Variants in OTOGL observed in about 807,000 individuals in gnomAD.
The protein encoded by OTOGL is otogelin like, also known as otogelin-like protein.
In OTOGL, 285 loss-of-function variants were observed where a neutral mutation model predicts 318.5. That is an observed-to-expected ratio of 0.89 (90% CI 0.81 to 0.99). The LOEUF (loss-of-function observed/expected upper bound fraction) is 0.99, where lower values mean the gene tolerates loss of function less well. OTOGL is among the 50% of genes least tolerant of loss of function. The pLI, the probability that OTOGL is intolerant of heterozygous loss-of-function variation, is 0.00. For missense variants in OTOGL, 2,899 were observed against 2,845.6 expected (o/e 1.02, Z -0.43); for synonymous variants, 987 against 936.5 (o/e 1.05, Z -0.99).
At chr12:80,103,652 C>T (rs989677102) in intron 1 of OTOGL, among the ~76,000 whole-genome samples, 14 of 152,198 alleles carry the variant, frequency 9.2e-5, no homozygotes, top group Admixed American at 3.9e-4. Context: ...CTGCTGTATA[C>T]GTACCACCTA....
At chr12:80,325,168 GGTAAGATCCAGCCCCTCT>G (rs1236575892) in intron 35 of OTOGL, among the ~76,000 whole-genome samples, 25 of 152,140 alleles carry the variant, frequency 1.6e-4, no homozygotes, top group Middle Eastern at 3.4e-3. Context: ...GTTGCCAATA[GGTAAGATCCAGCCCCTCT>G]GTAAGATCCA....
intron 35 of OTOGL, among the ~76,000 whole-genome samples, chr12:80,326,381 CTT>C (rs1160524835): frequency 1.3e-5 from 2 of 151,974 alleles, no homozygotes; most frequent in Non-Finnish European, 2.9e-5. Flanking sequence ...AGGCATTAAA[CTT>C]ATCAGTTAGA....
intron 54 of OTOGL, among the ~76,000 whole-genome samples, 185 bp from the exon 55 acceptor site, chr12:80,368,020 T>C (rs1476548086): frequency 6.6e-6 from 1 of 152,122 alleles, no homozygotes; most frequent in Non-Finnish European, 1.5e-5. Context: ...AAGGTTAACA[T>C]CTATCTCACT....
intron 13 of OTOGL, 67 bp from the exon 14 acceptor site, chr12:80,253,399 T>C (rs541829850): frequency 2.1e-6 from 3 of 1,419,990 alleles, no homozygotes; most frequent in South Asian, 2.4e-5. Context: ...GGTTGAATTA[T>C]TATATTCCAG....
intron 1 of OTOGL, among the ~76,000 whole-genome samples, chr12:80,152,492 C>A (rs946065548): frequency 6.6e-6 from 1 of 151,932 alleles, no homozygotes. Context: ...AACCTAATGA[C>A]AAAATAGATG....
chr12:80,254,389 G>T (rs1881839066), intron 14 of OTOGL, 135 bp from the exon 15 acceptor site: 1 of 451,012 alleles, frequency 2.2e-6, no homozygotes. Context: ...TTTATTTTTT[G>T]CAGAGATTTT....
At chr12:80,178,523 A>T (rs1233092374) in intron 1 of OTOGL, among the ~76,000 whole-genome samples, 1 of 152,126 alleles carries the variant, frequency 6.6e-6, no homozygotes, top group East Asian at 1.9e-4. Context: ...TAAACTCTAG[A>T]TGCCTTGGCC....
chr12:80,266,519 C>A lies in OTOGL; in HGVS notation c.2293C>A (p.Leu765Ile). The change falls in exon 21 of 59, where the codon CTC becomes ATC. Residue 765 changes from leucine (L) to isoleucine (I), a missense_variant. By Grantham distance (5) the Leu-to-Ile change is conservative. Coordinates refer to ENST00000547103, the MANE Select transcript of OTOGL (RefSeq NM_001378609.3). ...SSFCLHSCIS[L>I]SSPEQCSDDC... Reference sequence around the variant, plus strand: ...GTTCTGCCTCCATTCCTGCATTTCTCTCTCTTCCCCGGAGCAGTGCAGTGA... The same window carrying A: ...GTTCTGCCTCCATTCCTGCATTTCTATCTCTTCCCCGGAGCAGTGCAGTGA... The A allele has an allele frequency of 6.2e-7, 1 of 1,613,572 alleles. No individual in the cohort carries two copies. The highest frequency in any genetic ancestry group is 1.1e-5 in the South Asian group (1 of 91,058).
chr12:80,150,935 C>T (rs576403569), intron 1 of OTOGL, among the ~76,000 whole-genome samples: 2 of 151,916 alleles, frequency 1.3e-5, no homozygotes, highest in East Asian at 3.9e-4. Flanking sequence ...GGAAAAAGGA[C>T]AAAATAATAT....
At chr12:80,272,649 A>G (rs1198167126) in intron 24 of OTOGL, among the ~76,000 whole-genome samples, 3 of 152,040 alleles carry the variant, frequency 2.0e-5, no homozygotes, top group Non-Finnish European at 4.4e-5. Context: ...GTTCACACAA[A>G]GGGATTCCTG....
chr12:80,350,814 A>C (rs1889495558), intron 44 of OTOGL, among the ~76,000 whole-genome samples: 1 of 152,188 alleles, frequency 6.6e-6, no homozygotes, highest in Admixed American at 6.5e-5. Flanking sequence ...ACCCATTATT[A>C]GATGTATAGT....
At chr12:80,146,203 A>T (rs1228356526) in intron 1 of OTOGL, among the ~76,000 whole-genome samples, 1 of 147,422 alleles carries the variant, frequency 6.8e-6, no homozygotes, top group African/African-American at 2.7e-5. Context: ...TTTGTCATAG[A>T]TAGCTCTTAT....
At chr12:80,154,610 TA>T (rs1873002193) in intron 1 of OTOGL, among the ~76,000 whole-genome samples, 1 of 152,306 alleles carries the variant, frequency 6.6e-6, no homozygotes, top group African/African-American at 2.4e-5. Flanking sequence ...TAAAAAAAAT[TA>T]AATGTGCTTC....
chr12:80,243,589 G>A (rs1445788747), intron 11 of OTOGL, among the ~76,000 whole-genome samples: 3 of 151,250 alleles, frequency 2.0e-5, no homozygotes, highest in Non-Finnish European at 2.9e-5. Flanking sequence ...TCCAAATTAC[G>A]TGTGATATTG....
chr12:80,375,983 T>C (rs1891157919), intron 57 of OTOGL, among the ~76,000 whole-genome samples: 1 of 151,802 alleles, frequency 6.6e-6, no homozygotes, highest in Non-Finnish European at 1.5e-5. Flanking sequence ...CCAGGTGAGC[T>C]CAGGAAGCCA....
chr12:80,343,756 G>A (rs1194689230), intron 44 of OTOGL: 1 of 151,728 alleles, frequency 6.6e-6, no homozygotes, highest in Non-Finnish European at 1.5e-5. Flanking sequence ...GCCGTCAGTA[G>A]GATGACAGAT....
rs754987281 is a variant in OTOGL at position 80,222,079 on chromosome 12, GT to G, written c.335-9del. On this transcript the variant is annotated splice_polypyrimidine_tract_variant and intron_variant, in intron 6 of 58. Transcript: ENST00000547103. ...TATTTTGCCTACAAAATATTATCCT[GT>G]TTCTTTTCAGTCCCAAACATGGGCA... 294 of 1,592,800 alleles carry G rather than the reference GT, an allele frequency of 1.8e-4. No individual in the cohort carries two copies. The highest frequency in any genetic ancestry group is 1.8e-3 in the Middle Eastern group (11 of 6,016).
intron 1 of OTOGL, among the ~76,000 whole-genome samples, chr12:80,178,041 TTTTCTTTC>T (rs199695997): frequency 3.0e-5 from 4 of 132,930 alleles, no homozygotes; most frequent in South Asian, 2.5e-4. Context: ...TATTCTATTC[TTTTCTTTC>T]TTTCTTTCTT....
intron 1 of OTOGL, among the ~76,000 whole-genome samples, chr12:80,107,541 TG>T (rs1326063885): frequency 6.6e-6 from 1 of 152,148 alleles, no homozygotes; most frequent in Non-Finnish European, 1.5e-5. Context: ...AGCAGTGTGG[TG>T]GTTTCTCAAA....
Sources: gnomAD v4.1 joint callset for allele counts (sites outside exome capture counted in the v4.1 genomes callset) on GRCh38, gnomAD v4.1.1 for gene constraint, MANE v1.5 for transcripts, NCBI Gene and HGNC (gene_info 2026-07-23, HGNC 2026-07-21) for gene names.